C10orf90: variants seen among roughly 807,000 people sequenced by gnomAD.
The protein encoded by C10orf90 is (E2-independent) E3 ubiquitin-conjugating enzyme FATS.
C10orf90 carries 56 observed loss-of-function variants against 62.5 expected under a neutral mutation model. The ratio of observed to expected loss-of-function variants is 0.90; its 90% CI spans 0.72 to 1.12. The LOEUF (loss-of-function observed/expected upper bound fraction) is 1.12, where lower values mean the gene tolerates loss of function less well. Ranked by LOEUF, C10orf90 falls within the 50% of genes most tolerant of loss-of-function variation. C10orf90 has a pLI of 0.00. For missense variants in C10orf90, 970 were observed against 880.4 expected, an observed-to-expected ratio of 1.10 and a Z score of -1.29; for synonymous variants, 386 against 340.4, an observed-to-expected ratio of 1.13 and a Z score of -1.47.
chr10:126,429,914 CAT>C, intron 7 of C10orf90, 64 bp from the exon 8 acceptor site: 1 of 1,376,860 alleles, frequency 7.3e-7, no homozygotes, highest in Non-Finnish European at 1.0e-6. Context: ...TCTAGAGAAA[CAT>C]TGTGATTAGT....
chr10:126,529,944 G>A (rs1864048154), intron 2 of C10orf90, among the ~76,000 whole-genome samples: 1 of 152,090 alleles, frequency 6.6e-6, no homozygotes, highest in African/African-American at 2.4e-5. Context: ...ACTCTAAGAT[G>A]TCATTAATTT....
chr10:126,445,805 GTATATA>G (rs71029302), intron 7 of C10orf90, among the ~76,000 whole-genome samples: 1 of 100,732 alleles, frequency 9.9e-6, no homozygotes, highest in Non-Finnish European at 2.0e-5. Flanking sequence ...AAACTGTGGT[GTATATA>G]TATATATATA....
chr10:126,439,921 C>T (rs61863932), intron 7 of C10orf90, among the ~76,000 whole-genome samples: 1,644 of 152,250 alleles, frequency 0.011, 16 homozygotes, highest in Non-Finnish European at 0.019. Context: ...ACTGAGTCCC[C>T]AAGCAGGCCA....
At chr10:126,659,626 C>G (rs954894639) in intron 1 of C10orf90, among the ~76,000 whole-genome samples, 6 of 152,150 alleles carry the variant, frequency 3.9e-5, no homozygotes, top group Non-Finnish European at 7.3e-5. Context: ...ATTAGACTCA[C>G]AGAGAGGAAA....
intron 2 of C10orf90, among the ~76,000 whole-genome samples, chr10:126,565,288 T>C (rs1359797073): frequency 1.5e-5 from 1 of 66,110 alleles, no homozygotes; most frequent in Admixed American, 2.7e-4. Flanking sequence ...TATTATATAT[T>C]ATATATTTAT....
At chr10:126,560,653 T>C (rs1864880397) in intron 2 of C10orf90, among the ~76,000 whole-genome samples, 1 of 152,134 alleles carries the variant, frequency 6.6e-6, no homozygotes, top group Non-Finnish European at 1.5e-5. Flanking sequence ...TGGAGACGCC[T>C]GCTCTTCTGT....
intron 7 of C10orf90, among the ~76,000 whole-genome samples, chr10:126,444,600 A>G (rs562223061): frequency 3.7e-4 from 56 of 152,294 alleles, no homozygotes; most frequent in Admixed American, 8.5e-4. Flanking sequence ...CACTGCCAAA[A>G]GCAATCTACA....
At chr10:126,571,799 C>A (rs549216986) in intron 2 of C10orf90, among the ~76,000 whole-genome samples, 4 of 152,156 alleles carry the variant, frequency 2.6e-5, no homozygotes, top group Middle Eastern at 3.4e-3. Flanking sequence ...GGACTCCAGG[C>A]GTAAATAAAC....
intron 2 of C10orf90, among the ~76,000 whole-genome samples, chr10:126,583,569 C>T (rs2134018508): frequency 6.6e-6 from 1 of 152,148 alleles, no homozygotes; most frequent in South Asian, 2.1e-4. Context: ...TGGCATTTTT[C>T]TGCTCAGACT....
chr10:126,558,818 G>C (rs1864836352), intron 2 of C10orf90, among the ~76,000 whole-genome samples: 1 of 152,192 alleles, frequency 6.6e-6, no homozygotes, highest in Non-Finnish European at 1.5e-5. Context: ...AGAGAGCAAG[G>C]GCTGTGCCTT....
chr10:126,547,276 G>A (rs757665723), intron 2 of C10orf90, among the ~76,000 whole-genome samples: 12 of 151,396 alleles, frequency 7.9e-5, no homozygotes, highest in South Asian at 2.1e-4. Context: ...AAAATTAGCC[G>A]GGCGTGGTGG....
intron 7 of C10orf90, among the ~76,000 whole-genome samples, chr10:126,442,849 C>T (rs566557028): frequency 1.3e-4 from 19 of 151,074 alleles, no homozygotes; most frequent in East Asian, 9.8e-4. Flanking sequence ...AAATCAACTC[C>T]GAAAGGAACC....
chr10:126,561,218 C>G (rs1306215716), intron 2 of C10orf90, among the ~76,000 whole-genome samples: 2 of 152,184 alleles, frequency 1.3e-5, no homozygotes, highest in African/African-American at 4.8e-5. Flanking sequence ...AGAAAGTACA[C>G]CAAGAATATA....
intron 2 of C10orf90, among the ~76,000 whole-genome samples, chr10:126,569,361 C>T (rs949944156): frequency 1.3e-5 from 2 of 152,118 alleles, no homozygotes; most frequent in African/African-American, 4.8e-5. Context: ...AATAAACTGT[C>T]TTTATGGGGA....
At chr10:126,559,072 C>A (rs1864844063) in intron 2 of C10orf90, among the ~76,000 whole-genome samples, 1 of 152,246 alleles carries the variant, frequency 6.6e-6, no homozygotes, top group Admixed American at 6.5e-5. Flanking sequence ...TTATAGGGAA[C>A]ATTTTGTAAA....
chr10:126,450,025 T>C (rs928788406), intron 7 of C10orf90, among the ~76,000 whole-genome samples: 1 of 149,914 alleles, frequency 6.7e-6, no homozygotes, highest in African/African-American at 2.4e-5. Context: ...AGCATTTCTG[T>C]ACACACACAA....
intron 2 of C10orf90, among the ~76,000 whole-genome samples, chr10:126,603,177 G>C (rs1247784676): frequency 1.3e-5 from 2 of 152,164 alleles, no homozygotes; most frequent in Non-Finnish European, 2.9e-5. Context: ...AGACACATCT[G>C]AGATGAGGTA....
At chr10:126,534,388 T>G (rs1337114713) in intron 2 of C10orf90, among the ~76,000 whole-genome samples, 1 of 152,192 alleles carries the variant, frequency 6.6e-6, no homozygotes, top group East Asian at 1.9e-4. Flanking sequence ...ATGGTGTCAA[T>G]GCCTGCCATT....
At chr10:126,430,922 G>A (rs1433677428) in intron 7 of C10orf90, among the ~76,000 whole-genome samples, 1 of 152,136 alleles carries the variant, frequency 6.6e-6, no homozygotes, top group Non-Finnish European at 1.5e-5. Context: ...ATAGAGCCAA[G>A]GATCCTAAGA....
Sources: allele counts gnomAD v4.1 joint callset (sites outside exome capture counted in the v4.1 genomes callset), GRCh38; gene constraint gnomAD v4.1.1; transcripts MANE v1.5; gene names NCBI Gene and HGNC (gene_info 2026-07-23, HGNC 2026-07-21).